The following DDX24 variants were observed in gnomAD, a reference collection of about 807,000 sequenced individuals.
DDX24 encodes the protein ATP-dependent RNA helicase DDX24.
Under a neutral mutation model 68.9 loss-of-function variants are expected in DDX24, and 24 were observed. The observed-to-expected ratio is 0.35, with a 90% CI of 0.25 to 0.49. The LOEUF is 0.49. DDX24 is among the 20% of genes least tolerant of loss of function. The pLI is 0.99. For synonymous variants in DDX24, 395 were observed against 385.2 expected (o/e 1.03, Z -0.30); for missense variants, 989 against 1,039.0 (o/e 0.95, Z 0.66).
chr14:94,064,132 T>C (rs1885650499), intron 2 of DDX24, among the ~76,000 whole-genome samples: 1 of 152,154 alleles, frequency 6.6e-6, no homozygotes. Context: ...AGATATATAC[T>C]ATAAACCCCA....
intron 5 of DDX24, among the ~76,000 whole-genome samples, chr14:94,059,209 A>T (rs189374036): frequency 6.6e-6 from 1 of 152,392 alleles, no homozygotes; most frequent in East Asian, 1.9e-4. Flanking sequence ...CTAGAAACTA[A>T]TTACCCCATG....
intron 5 of DDX24, among the ~76,000 whole-genome samples, chr14:94,058,273 AC>A (rs1403779787): frequency 6.6e-6 from 1 of 152,118 alleles, no homozygotes; most frequent in African/African-American, 2.4e-5. Flanking sequence ...TCTTCCCCAA[AC>A]AAACCAAGCA....
In DDX24 at chr14:94,061,366, C is replaced by T. The variant is rs80102042; in HGVS notation, c.1244-300G>A. 7.4e-3 allele frequency among the ~76,000 whole-genome samples: 1,119 copies of T among 152,210 alleles called. 10 individuals are homozygous for T. Among genetic ancestry groups the T allele is most frequent in the African/African-American group, 0.026 (1,066 of 41,532 alleles). On this transcript the variant is annotated intron_variant, in intron 3 of 8. Coordinates refer to ENST00000621632, the MANE Select transcript of DDX24 (RefSeq NM_020414.4). ...GCTTACCTCCAAAGCTCTGGGAAAA[C>T]GGAGCACTGGGGCACCATAATGCTG...
chr14:94,057,698 G>T, intron 6 of DDX24, 124 bp downstream of exon 6: 1 of 853,018 alleles, frequency 1.2e-6, no homozygotes, highest in Non-Finnish European at 1.8e-6. Flanking sequence ...GGCACTCGAT[G>T]CCAGTGGTAT....
Position 94,057,863 on chromosome 14 carries a change from C to T in DDX24, c.1948G>A (p.Gly650Ser). Residue 650 changes from glycine to serine, a missense_variant, in exon 6 of 9, where the codon GGT becomes AGT. Physicochemically the swap from Gly to Ser is moderately conservative, Grantham distance 56. Transcript: ENST00000621632. The stretch of plus-strand genomic sequence containing the variant: ...TGCTGGACTTTAGGAATATCCAGAC[C>T]CCGAGCTGCCACATCTGTTGCCAAG... ...VLLATDVAAR[G>S]LDIPKVQHVI... is the part of the protein sequence containing the mutation. 1 of 1,613,906 alleles carries T rather than the reference C, an allele frequency of 6.2e-7. No individual in the cohort carries two copies. Among genetic ancestry groups the T allele is most frequent in the East Asian group, 2.2e-5 (1 of 44,864 alleles).
chr14:94,050,891 A>G lies in DDX24; in HGVS notation c.*300T>C. 3.1e-6 allele frequency: 1 copy of G among 326,702 alleles called. No homozygotes were observed. The highest frequency in any genetic ancestry group is 5.5e-6 in the Non-Finnish European group (1 of 182,188). The allele number at this position is 326,702 out of a possible 1,614,324, so 20.2% of individuals were successfully genotyped here. On this transcript the variant is annotated 3_prime_UTR_variant, in exon 9 of 9. Transcript: ENST00000621632. ...ACCACCCCCATCTTCTATCTAAAAAAAAAAAAAAAAAATCAGGATGACACA... is the reference window on the plus strand; with the variant it reads ...ACCACCCCCATCTTCTATCTAAAAAGAAAAAAAAAAAATCAGGATGACACA...
chr14:94,062,649 A>G, intron 2 of DDX24, 28 bp from the exon 3 acceptor site: 1 of 1,563,102 alleles, frequency 6.4e-7, no homozygotes, highest in Middle Eastern at 1.8e-4. Context: ...AAAACAAAGT[A>G]AAAACAGTGT....
chr14:94,053,317 C>G, intron 7 of DDX24, 190 bp from the exon 8 acceptor site: 1 of 553,590 alleles, frequency 1.8e-6, no homozygotes, highest in East Asian at 3.5e-5. Flanking sequence ...CCACCTCAGC[C>G]TCCCAAGCAG....
rs191920450 is a variant in DDX24 at position 94,068,895 on chromosome 14, G to A, written c.719-6274C>T. 2.6e-5 allele frequency among the ~76,000 whole-genome samples: 4 copies of A among 152,186 alleles called. No individual in the cohort carries two copies. The East Asian group carries it at 7.7e-4, about 29-fold the overall frequency. ...AGAGGAAAGTTCATAGCCCTAAATG[G>A]CTACATCGAAAAGTCTGAAAGAGCA... On this transcript the variant is annotated intron_variant, in intron 2 of 8. Coordinates refer to ENST00000621632, the MANE Select transcript of DDX24 (RefSeq NM_020414.4).
At position 94,060,102 on chromosome 14, in the gene DDX24, C is replaced by T. The variant is rs770724381; in HGVS notation, c.1909G>A (p.Glu637Lys). The change falls in exon 5 of 9, where the codon GAA becomes AAA. Residue 637 changes from glutamate (E) to lysine (K), a missense_variant. Physicochemically the swap from Glu to Lys is moderately conservative, Grantham distance 56. Coordinates refer to ENST00000621632, the MANE Select transcript of DDX24 (RefSeq NM_020414.4). ...LRNLEQFARL[E>K]DCVLLATDVA... The stretch of plus-strand genomic sequence containing the variant: ...CTGGGGACAGTCCTAACTTACTCTT[C>T]CAGACGGGCAAACTGCTCCAGGTTT... 6.2e-7 allele frequency: 1 copy of T among 1,611,436 alleles called. No homozygotes were observed. Among genetic ancestry groups the T allele is most frequent in the Non-Finnish European group, 8.5e-7 (1 of 1,178,134 alleles).
intron 2 of DDX24, among the ~76,000 whole-genome samples, chr14:94,066,958 G>A (rs961476801): frequency 2.0e-5 from 3 of 152,034 alleles, no homozygotes; most frequent in African/African-American, 7.3e-5. Flanking sequence ...AATCATACTA[G>A]TTCACCAGCA....
chr14:94,077,953 ATG>A (rs1274226022), intron 2 of DDX24, among the ~76,000 whole-genome samples: 1 of 151,810 alleles, frequency 6.6e-6, no homozygotes, highest in African/African-American at 2.4e-5. Flanking sequence ...TAAATTACTT[ATG>A]TGTTTCACAT....
In DDX24 at chr14:94,051,147, C is replaced by T; in HGVS notation, c.*44G>A. ...GGGTGGGAGAGGTTTTGCAAATAGC[C>T]AGAGAACAGAAACCAATGTGCAGTC... On this transcript the variant is annotated 3_prime_UTR_variant, in exon 9 of 9. Coordinates refer to ENST00000621632, the MANE Select transcript of DDX24 (RefSeq NM_020414.4). 1.3e-6 allele frequency: 2 copies of T among 1,482,450 alleles called. No homozygotes were observed. Among genetic ancestry groups the T allele is most frequent in the Non-Finnish European group, 1.8e-6 (2 of 1,118,712 alleles). The allele number at this position is 1,482,450 out of a possible 1,614,324, so 91.8% of individuals were successfully genotyped here.
In DDX24 at chr14:94,079,343, A is replaced by G; in HGVS notation, c.400T>C (p.Cys134Arg). ...ELEAQGDDMV[C>R]DDPEAGEMTS... ...ATCTCCCCAGCCTCCGGATCATCAC[A>G]AACCATGTCATCTCCCTGGGCCTCC... Residue 134 changes from cysteine (C) to arginine (R), a missense_variant, in exon 2 of 9, where the codon TGT (cysteine) becomes CGT (arginine). By Grantham distance (180) the Cys-to-Arg change is radical. Transcript: ENST00000621632. 6.2e-7 allele frequency: 1 copy of G among 1,614,020 alleles called. No individual in the cohort carries two copies.
chr14:94,052,963 A>T (rs752374739), intron 8 of DDX24, 35 bp downstream of exon 8: 2 of 1,581,360 alleles, frequency 1.3e-6, no homozygotes, highest in Non-Finnish European at 1.7e-6. Context: ...GAGAGATTTC[A>T]ACTTCCTCAA....
In DDX24 at chr14:94,061,977, G is replaced by A. The variant is rs1885605726; in HGVS notation, c.1243+120C>T. The A allele has an allele frequency of 8.8e-6, 10 of 1,132,934 alleles. No homozygotes were observed. In the South Asian group the frequency reaches 1.5e-4, roughly 17 times the overall value. 70.2% of individuals were successfully genotyped at this position (1,132,934 alleles called of 1,614,324 possible). On this transcript the variant is annotated intron_variant, in intron 3 of 8. Transcript: ENST00000621632. ...TATCAATTTTCTGTAGGGCTTAATTGTCTGGCTTATAGATGAGAGTGGCTT... is the reference window on the plus strand; with the variant it reads ...TATCAATTTTCTGTAGGGCTTAATTATCTGGCTTATAGATGAGAGTGGCTT...
At chr14:94,063,016 A>G (rs1885629280) in intron 2 of DDX24, among the ~76,000 whole-genome samples, 1 of 152,260 alleles carries the variant, frequency 6.6e-6, no homozygotes, top group South Asian at 2.1e-4. Flanking sequence ...TTAAGTTTTC[A>G]GAAAATGTAA....
rs541463806 is a variant in DDX24 at position 94,071,730 on chromosome 14, G to A, written c.718+7295C>T. On this transcript the variant is annotated intron_variant, in intron 2 of 8. Transcript: ENST00000621632. Reference sequence around the variant, plus strand: ...GGAGGCCGAGATGGGCGGATCACCCGAGGTCGGGAGTTTGAGACCAGCCTG... The same window carrying A: ...GGAGGCCGAGATGGGCGGATCACCCAAGGTCGGGAGTTTGAGACCAGCCTG... 3.1e-4 allele frequency among the ~76,000 whole-genome samples: 47 copies of A among 152,280 alleles called. 1 individual carries two copies. Among genetic ancestry groups the A allele is most frequent in the African/African-American group, 8.7e-4 (36 of 41,552 alleles).
rs79048773 is a variant in DDX24, at chr14:94,079,701, G to A, written c.42C>T (p.Ser14=). ...KDTKSRPKQS[S]CGKFQTKGIK... is the part of the protein sequence containing the mutation. Reference sequence around the variant, plus strand: ...TTCCCTTTGTCTGAAATTTGCCACAGCTTGACTGCTTTGGCCTTGATTTTG... The same window carrying A: ...TTCCCTTTGTCTGAAATTTGCCACAACTTGACTGCTTTGGCCTTGATTTTG... Residue 14 remains serine (S), a synonymous_variant, in exon 2 of 9, where the codon AGC becomes AGT. Transcript: ENST00000621632. The A allele has an allele frequency of 6.2e-6, 10 of 1,614,048 alleles. No individual in the cohort carries two copies. The highest frequency in any genetic ancestry group is 1.3e-5 in the African/African-American group (1 of 74,996).
Sources: gnomAD v4.1 joint callset for allele counts (sites outside exome capture counted in the v4.1 genomes callset) on GRCh38, gnomAD v4.1.1 for gene constraint, MANE v1.5 for transcripts, NCBI Gene and HGNC (gene_info 2026-07-23, HGNC 2026-07-21) for gene names.